Variants in TLL2 observed in about 807,000 individuals in gnomAD.
TLL2 encodes the protein tolloid-like protein 2.
TLL2 carries 106 observed loss-of-function variants against 123.0 expected under a neutral mutation model. That is an observed-to-expected ratio of 0.86 (90% CI 0.74 to 1.01). The LOEUF (loss-of-function observed/expected upper bound fraction) is 1.01. TLL2 is among the 50% of genes least tolerant of loss of function. TLL2 has a pLI of 0.00. For missense variants in TLL2, 1,332 were observed against 1,336.7 expected (o/e 1.00, Z 0.06); for synonymous variants, 494 against 516.8 (o/e 0.96, Z 0.60).
At position 96,370,173 on chromosome 10, in the gene TLL2, G is replaced by A. The variant is rs1384188033; in HGVS notation, c.2805C>T (p.Phe935=). 2.5e-6 allele frequency: 4 copies of A among 1,614,010 alleles called. No homozygotes were observed. The highest frequency in any genetic ancestry group is 3.4e-6 in the Non-Finnish European group (4 of 1,180,006). Residue 935 remains phenylalanine, a synonymous_variant, in exon 20 of 21, where the codon TTC becomes TTT. Coordinates refer to ENST00000357947, the MANE Select transcript of TLL2 (RefSeq NM_012465.4). The part of the protein sequence containing the change: ...AEDGYGVELT[F]RTFEVEEEAD... ...CCTCCTCCTCAACCTCAAAGGTCCG[G>A]AATGTCAGCTCCACGCCGTAGCCGT...
chr10:96,452,911 C>T (rs1846975228), intron 2 of TLL2, among the ~76,000 whole-genome samples: 1 of 152,210 alleles, frequency 6.6e-6, no homozygotes, highest in Non-Finnish European at 1.5e-5. Flanking sequence ...CGCTACAGCA[C>T]TAAAGCAATC....
intron 1 of TLL2, among the ~76,000 whole-genome samples, chr10:96,494,681 G>A (rs1230862869): frequency 5.9e-5 from 9 of 152,176 alleles, no homozygotes; most frequent in South Asian, 4.1e-4. Context: ...TGGTCTACAC[G>A]GGGGAAGAGA....
chr10:96,430,653 A>T (rs1225581539), intron 4 of TLL2, among the ~76,000 whole-genome samples: 1 of 152,220 alleles, frequency 6.6e-6, no homozygotes, highest in African/African-American at 2.4e-5. Context: ...AGGCAGGTGG[A>T]TCCCTTAAGC....
rs776255041 is a variant in TLL2, at chr10:96,376,744, C to T, written c.2396G>A (p.Arg799Gln). ...SPNWPDKYPSRRECTWNISST... is the reference protein window; with the variant it reads ...SPNWPDKYPSQRECTWNISST... ...AGAGATGTTCCAGGTACACTCCCTC[C>T]GGCTGGGGTATTTGTCAGGCCAGTT... The change falls in exon 18 of 21, where the codon CGG (arginine) becomes CAG (glutamine). Residue 799 changes from arginine to glutamine, a missense_variant. By Grantham distance (43) the Arg-to-Gln change is conservative (BLOSUM62 1). Coordinates refer to ENST00000357947, the MANE Select transcript of TLL2 (RefSeq NM_012465.4). 2.2e-5 allele frequency: 36 copies of T among 1,606,168 alleles called. No individual in the cohort carries two copies. In the East Asian group the frequency reaches 2.3e-4, roughly 10 times the overall value.
intron 5 of TLL2, among the ~76,000 whole-genome samples, chr10:96,428,202 CA>C (rs1427158669): frequency 6.6e-6 from 1 of 152,178 alleles, no homozygotes; most frequent in African/African-American, 2.4e-5. Flanking sequence ...CATTTTATTA[CA>C]TATTATGTTT....
intron 5 of TLL2, among the ~76,000 whole-genome samples, chr10:96,426,235 C>T (rs770916223): frequency 2.0e-5 from 3 of 152,006 alleles, no homozygotes; most frequent in Non-Finnish European, 2.9e-5. Context: ...ATTTGGCAGT[C>T]TCCTCTTCTT....
At chr10:96,428,482 T>A (rs1846700668) in intron 5 of TLL2, 149 bp downstream of exon 5, 4 of 598,184 alleles carry the variant, frequency 6.7e-6, no homozygotes, top group Non-Finnish European at 1.2e-5. Flanking sequence ...CACTGGATTG[T>A]AATTTCACCA....
intron 3 of TLL2, among the ~76,000 whole-genome samples, chr10:96,435,013 TTA>T (rs1443680173): frequency 6.6e-6 from 1 of 151,942 alleles, no homozygotes; most frequent in Non-Finnish European, 1.5e-5. Flanking sequence ...TTCAAATTAT[TTA>T]TTCATTTCCT....
intron 18 of TLL2, 86 bp downstream of exon 18, chr10:96,376,606 G>T: frequency 6.9e-7 from 1 of 1,448,642 alleles, no homozygotes; most frequent in Non-Finnish European, 9.5e-7. Flanking sequence ...AAGTTACAGA[G>T]CTGGGAAGTG....
intron 2 of TLL2, among the ~76,000 whole-genome samples, chr10:96,454,205 CTT>C (rs1846988200): frequency 2.0e-5 from 3 of 152,168 alleles, no homozygotes; most frequent in African/African-American, 7.2e-5. Flanking sequence ...GAAAGAAAAG[CTT>C]TTGAGGGGGA....
At chr10:96,453,218 G>A (rs1482794374) in intron 2 of TLL2, among the ~76,000 whole-genome samples, 1 of 152,156 alleles carries the variant, frequency 6.6e-6, no homozygotes, top group Non-Finnish European at 1.5e-5. Context: ...CACTTCGGGA[G>A]GCAGAGGCGG....
chr10:96,481,147 A>AT (rs34296985), intron 1 of TLL2, among the ~76,000 whole-genome samples: 8 of 133,568 alleles, frequency 6.0e-5, no homozygotes, highest in Non-Finnish European at 1.1e-4. Context: ...TGGGGGATGG[A>AT]TTTTTTTTTT....
At position 96,508,133 on chromosome 10, in the gene TLL2, T is replaced by C. The variant is rs796905533; in HGVS notation, c.175+5378A>G. On this transcript the variant is annotated intron_variant, in intron 1 of 20. Transcript: ENST00000357947. ...GCTTCCAGGAGGCACCATGTGAGCC[T>C]CATCTCTGCTTAAAAACCAGGATGC... Among the ~76,000 whole-genome samples, 21 of 152,254 alleles carry C rather than the reference T, an allele frequency of 1.4e-4. 1 individual carries two copies. Among genetic ancestry groups the C allele is most frequent in the African/African-American group, 5.1e-4 (21 of 41,548 alleles).
At chr10:96,423,991 C>T (rs943693679) in intron 5 of TLL2, among the ~76,000 whole-genome samples, 7 of 152,184 alleles carry the variant, frequency 4.6e-5, no homozygotes, top group Non-Finnish European at 7.3e-5. Flanking sequence ...GAATGAGATC[C>T]TGTCATTTGC....
At chr10:96,502,925 A>G (rs144095146) in intron 1 of TLL2, among the ~76,000 whole-genome samples, 1 of 152,258 alleles carries the variant, frequency 6.6e-6, no homozygotes, top group East Asian at 1.9e-4. Context: ...CGAGCTTGAG[A>G]ATATTTATTG....
At chr10:96,452,155 A>G (rs977794798) in intron 2 of TLL2, among the ~76,000 whole-genome samples, 6 of 152,212 alleles carry the variant, frequency 3.9e-5, no homozygotes, top group African/African-American at 1.4e-4. Flanking sequence ...AATTAACAAT[A>G]AATAATGAGA....
chr10:96,473,643 C>G (rs777615124), intron 2 of TLL2, among the ~76,000 whole-genome samples: 34 of 152,202 alleles, frequency 2.2e-4, no homozygotes, highest in Non-Finnish European at 4.6e-4. Context: ...TAGAGATGGA[C>G]ATGGCCCCGT....
Position 96,367,524 on chromosome 10 carries a change from C to T in TLL2, c.*564G>A, listed in dbSNP as rs1846040286. 6.5e-6 allele frequency: 1 copy of T among 153,188 alleles called. No homozygotes were observed. The highest frequency in any genetic ancestry group is 6.5e-5 in the Admixed American group (1 of 15,466). 9.5% of individuals were successfully genotyped at this position (153,188 alleles called of 1,614,324 possible). A position where few individuals can be genotyped will look rare whatever the true frequency, so the allele number is the denominator to read the frequency against. On this transcript the variant is annotated 3_prime_UTR_variant, in exon 21 of 21. Coordinates refer to ENST00000357947, the MANE Select transcript of TLL2 (RefSeq NM_012465.4). ...ATGATTCTTATACTCGAAACTCCCT[C>T]TGTGCTCACTGCTCACTGTGATGCC...
At position 96,446,306 on chromosome 10, in the gene TLL2, A is replaced by G. The variant is rs1311592932; in HGVS notation, c.287-138T>C. 5.1e-6 allele frequency: 4 copies of G among 777,718 alleles called. No individual in the cohort carries two copies. In the African/African-American group the frequency reaches 5.2e-5, roughly 10 times the overall value. The allele number at this position is 777,718 out of a possible 1,614,324, so 48.2% of individuals were successfully genotyped here. A position where few individuals can be genotyped will look rare whatever the true frequency, so the allele number is the denominator to read the frequency against. On this transcript the variant is annotated intron_variant, in intron 2 of 20. Transcript: ENST00000357947. ...TTCGTAAGCTTCGTTCCACAAATCAACTGAGCCCTTACCACATGGCCCCAC... is the reference window on the plus strand; with the variant it reads ...TTCGTAAGCTTCGTTCCACAAATCAGCTGAGCCCTTACCACATGGCCCCAC...
Sources: allele counts gnomAD v4.1 joint callset (sites outside exome capture counted in the v4.1 genomes callset), GRCh38; gene constraint gnomAD v4.1.1; transcripts MANE v1.5; gene names NCBI Gene and HGNC (gene_info 2026-07-23, HGNC 2026-07-21).